Variants in KCTD13 observed in about 807,000 individuals in gnomAD.
KCTD13 encodes potassium channel tetramerization domain containing 13.
Under a neutral mutation model 32.3 loss-of-function variants are expected in KCTD13, and 15 were observed. The observed-to-expected ratio is 0.46, with a 90% CI of 0.31 to 0.71. KCTD13 has a LOEUF of 0.71. Ranked by LOEUF, KCTD13 falls within the 30% of genes least tolerant of loss-of-function variation. The pLI is 0.05. For synonymous variants in KCTD13, 189 were observed against 200.1 expected (o/e 0.94, Z 0.47); for missense variants, 337 against 452.6 (o/e 0.74, Z 2.32).
rs919494697 is a variant in KCTD13, at chr16:29,906,579, A to G, written c.*293T>C. The stretch of plus-strand genomic sequence containing the variant: ...CATGGACGATGCACTAAAAAAAGAG[A>G]AAGGGAATTCTAAATCCCTCTTAAC... On this transcript the variant is annotated 3_prime_UTR_variant, in exon 6 of 6. Coordinates refer to ENST00000568000, the MANE Select transcript of KCTD13 (RefSeq NM_178863.5). The G allele has an allele frequency of 3.5e-6, 2 of 566,454 alleles. No individual in the cohort carries two copies. Among genetic ancestry groups the G allele is most frequent in the Non-Finnish European group, 6.7e-6 (2 of 297,666 alleles). 35.1% of individuals were successfully genotyped at this position (566,454 alleles called of 1,614,324 possible).
chr16:29,909,363 G>A (rs2068665949), intron 5 of KCTD13, among the ~76,000 whole-genome samples: 1 of 152,188 alleles, frequency 6.6e-6, no homozygotes, highest in Non-Finnish European at 1.5e-5. Context: ...AGAATTCCAA[G>A]AGGCAACAGT....
At chr16:29,911,228 C>T (rs1390960638) in intron 4 of KCTD13, 55 bp from the exon 5 acceptor site, 10 of 1,394,552 alleles carry the variant, frequency 7.2e-6, no homozygotes, top group Non-Finnish European at 1.0e-5. Flanking sequence ...TCCCTCTGTA[C>T]CCCCAGAAGA....
chr16:29,923,036 G>A, intron 2 of KCTD13, 154 bp downstream of exon 2: 1 of 765,854 alleles, frequency 1.3e-6, no homozygotes, highest in Non-Finnish European at 2.0e-6. Flanking sequence ...TGAGGCGGCA[G>A]GGATGCAGAA....
At chr16:29,908,212 G>A (rs773281610) in intron 5 of KCTD13, among the ~76,000 whole-genome samples, 5 of 152,078 alleles carry the variant, frequency 3.3e-5, no homozygotes, top group Non-Finnish European at 4.4e-5. Flanking sequence ...TGTGGGTCAG[G>A]AGTGCACCCA....
intron 1 of KCTD13, among the ~76,000 whole-genome samples, chr16:29,923,631 G>A (rs1251496771): frequency 6.6e-6 from 1 of 152,130 alleles, no homozygotes; most frequent in Non-Finnish European, 1.5e-5. Context: ...GGAGGCTGAG[G>A]CAGGCAGATC....
In KCTD13 at chr16:29,906,617, G is replaced by C. The variant is rs2068618072; in HGVS notation, c.*255C>G. On this transcript the variant is annotated 3_prime_UTR_variant, in exon 6 of 6. Coordinates refer to ENST00000568000, the MANE Select transcript of KCTD13 (RefSeq NM_178863.5). ...AATCCCTCTTAACCAGCTGGAGAGG[G>C]AAGGACGCAGGGCCAGGGTGGGGAC... 3.1e-6 allele frequency: 2 copies of C among 654,166 alleles called. No homozygotes were observed. Among genetic ancestry groups the C allele is most frequent in the East Asian group, 3.0e-5 (1 of 33,400 alleles). The allele number at this position is 654,166 out of a possible 1,614,324, so 40.5% of individuals were successfully genotyped here.
At position 29,925,987 on chromosome 16, in the gene KCTD13, A is replaced by AGGGACG. The variant is rs756892562; in HGVS notation, c.41_46dup (p.Pro14_Ser15dup). On this transcript the variant is annotated inframe_insertion, in exon 1 of 6. Coordinates refer to ENST00000568000, the MANE Select transcript of KCTD13 (RefSeq NM_178863.5). ...GAGACCCGAGGGCTTGGGGGCTTCC[A>AGGGACG]GGGACGGGGCCGCGGCGGCAGCCGG... is the stretch of plus-strand genomic sequence containing the variant. 3.7e-6 allele frequency: 6 copies of AGGGACG among 1,605,346 alleles called. No homozygotes were observed. The East Asian group carries it at 1.1e-4, about 30-fold the overall frequency.
Position 29,912,043 on chromosome 16 carries a change from T to C in KCTD13, c.421A>G (p.Arg141Gly). Residue 141 changes from arginine (R) to glycine (G), a missense_variant, in exon 3 of 6, where the codon AGG becomes GGG. Arg to Gly is a moderately radical substitution (Grantham distance 125, BLOSUM62 -2). This residue lies in a region of KCTD13 where 252 missense variants were observed against 340.2 expected (regional missense o/e 0.74). Transcript: ENST00000568000. The stretch of plus-strand genomic sequence containing the variant: ...AGGCACAGCGGGGACAGCGTCTCCC[T>C]TTTTTGCTGGGGAAGAAGCGGAAGG... ...EDCQLALQQK[R>G]ETLSPLCLIP... is the part of the protein sequence containing the mutation. 6.2e-7 allele frequency: 1 copy of C among 1,601,276 alleles called. No individual in the cohort carries two copies.
Position 29,926,126 on chromosome 16 carries a change from C to T in KCTD13, c.-93G>A. Reference sequence around the variant, plus strand: ...CTCGGCCGGCCCCCAGCCCTTGGGCCAGACCGCTCGGCGCACACGCCCACT... The same window carrying T: ...CTCGGCCGGCCCCCAGCCCTTGGGCTAGACCGCTCGGCGCACACGCCCACT... On this transcript the variant is annotated 5_prime_UTR_variant, in exon 1 of 6. Transcript: ENST00000568000. 7.4e-7 allele frequency: 1 copy of T among 1,359,300 alleles called. No homozygotes were observed. Among genetic ancestry groups the T allele is most frequent in the South Asian group, 1.6e-5 (1 of 63,104 alleles). 84.2% of individuals were successfully genotyped at this position (1,359,300 alleles called of 1,614,324 possible).
At chr16:29,911,780 G>A (rs778134504) in intron 4 of KCTD13, 35 bp downstream of exon 4, 1 of 1,610,144 alleles carries the variant, frequency 6.2e-7, no homozygotes, top group South Asian at 1.1e-5. Context: ...CTGCATCCCA[G>A]GGTCCCGCCC....
chr16:29,909,384 G>GT (rs2068666523), intron 5 of KCTD13, among the ~76,000 whole-genome samples: 1 of 152,214 alleles, frequency 6.6e-6, no homozygotes. Context: ...GTGTGCAGAG[G>GT]TAAGAGGTAA....
chr16:29,908,054 A>G (rs2068643636), intron 5 of KCTD13, among the ~76,000 whole-genome samples: 1 of 151,580 alleles, frequency 6.6e-6, no homozygotes, highest in Non-Finnish European at 1.5e-5. Flanking sequence ...GGGATGTGAT[A>G]GCCAGAGCCA....
At chr16:29,907,395 G>C (rs1408273995) in intron 5 of KCTD13, among the ~76,000 whole-genome samples, 1 of 152,190 alleles carries the variant, frequency 6.6e-6, no homozygotes, top group Non-Finnish European at 1.5e-5. Context: ...ACTGCACCAG[G>C]TATTGTTCTA....
At chr16:29,909,638 T>C (rs2150833446) in intron 5 of KCTD13, among the ~76,000 whole-genome samples, 1 of 152,172 alleles carries the variant, frequency 6.6e-6, no homozygotes, top group East Asian at 1.9e-4. Flanking sequence ...AGACATCTGA[T>C]TCTGAGGTTT....
chr16:29,924,543 G>A (rs542671570), intron 1 of KCTD13, among the ~76,000 whole-genome samples: 5 of 152,116 alleles, frequency 3.3e-5, no homozygotes, highest in African/African-American at 1.2e-4. Flanking sequence ...AAAAAAGAAA[G>A]AACTTACTAC....
intron 2 of KCTD13, chr16:29,913,547 G>C (rs2068754429): frequency 6.6e-6 from 1 of 152,286 alleles, no homozygotes; most frequent in African/African-American, 2.4e-5. Flanking sequence ...CTGAGGGTCA[G>C]GATCTCAGCA....
In KCTD13 at chr16:29,911,150, T is replaced by C; in HGVS notation, c.581A>G (p.Lys194Arg). 6.2e-7 allele frequency: 1 copy of C among 1,614,056 alleles called. No individual in the cohort carries two copies. Among genetic ancestry groups the C allele is most frequent in the Non-Finnish European group, 8.5e-7 (1 of 1,179,978 alleles). ...CAGCTTGTCGAACAGCTCGATGTTC[T>C]TAAGTAGGTTGTCATCTGAAGTGCT... is the stretch of plus-strand genomic sequence containing the variant. ...YTSTSDDNLL[K>R]NIELFDKLAL... is the part of the protein sequence containing the mutation. Residue 194 changes from lysine (K) to arginine (R), a missense_variant, in exon 5 of 6, where the codon AAG becomes AGG. Physicochemically the swap from Lys to Arg is conservative, Grantham distance 26. Around this residue, in one of 3 missense-constraint regions of KCTD13, gnomAD observed 252 missense variants for 340.2 expected, o/e 0.74. Coordinates refer to ENST00000568000, the MANE Select transcript of KCTD13 (RefSeq NM_178863.5).
chr16:29,910,193 A>AT lies in KCTD13; in HGVS notation c.753+784dup, dbSNP rs1567440077. 5.9e-5 allele frequency among the ~76,000 whole-genome samples: 9 copies of AT among 151,510 alleles called. No homozygotes were observed. The South Asian group carries it at 1.9e-3, about 32-fold the overall frequency. Reference sequence around the variant, plus strand: ...GGTGGGTGGATCACGAGGTCAAGAGATTGAGACCATCCTGGCCAACATGGT... The same window carrying AT: ...GGTGGGTGGATCACGAGGTCAAGAGATTTGAGACCATCCTGGCCAACATGGT... On this transcript the variant is annotated intron_variant, in intron 5 of 5. Transcript: ENST00000568000.
chr16:29,907,524 G>C (rs11649519), intron 5 of KCTD13, among the ~76,000 whole-genome samples: 2 of 152,066 alleles, frequency 1.3e-5, no homozygotes, highest in Non-Finnish European at 2.9e-5. Context: ...CAGTGACTCA[G>C]GCCTGTAATC....
Sources: gnomAD v4.1 joint callset for allele counts (sites outside exome capture counted in the v4.1 genomes callset) on GRCh38, gnomAD v4.1.1 for gene constraint, gnomAD v4.1.1 regional missense constraint, MANE v1.5 for transcripts, NCBI Gene and HGNC (gene_info 2026-07-23, HGNC 2026-07-21) for gene names.